Variants in PHF24 observed in about 807,000 individuals in gnomAD.
PHF24 encodes the protein Galpha inhibitory interacting protein.
PHF24 carries 25 observed loss-of-function variants against 42.6 expected under a neutral mutation model. That is an observed-to-expected ratio of 0.59 (90% CI 0.43 to 0.82). The LOEUF (loss-of-function observed/expected upper bound fraction) is 0.82. PHF24 is among the 40% of genes least tolerant of loss of function. The probability of loss-of-function intolerance (pLI) is 0.00; values close to 1 mark genes in which losing one functional copy is unlikely to be tolerated. For missense variants in PHF24, 470 were observed against 538.1 expected (o/e 0.87, Z 1.25); for synonymous variants, 185 against 204.8 (o/e 0.90, Z 0.83).
At chr9:34,725,560 C>CTG in the PHF24 span, 2 of 1,417,676 alleles carry the variant, frequency 1.4e-6, no homozygotes, top group African/African-American at 2.8e-5. Context: ...TCTCAGGAGA[C>CTG]TGAGCTTTGC....
At chr9:34,671,562 TG>T in the PHF24 span, among the ~76,000 whole-genome samples, 1 of 152,326 alleles carries the variant, frequency 6.6e-6, no homozygotes, top group African/African-American at 2.4e-5. Context: ...ATATTGTTTC[TG>T]GGGTGGGACT....
the PHF24 span, among the ~76,000 whole-genome samples, chr9:34,744,920 C>G: frequency 2.0e-5 from 3 of 152,190 alleles, no homozygotes; most frequent in Admixed American, 2.0e-4. Flanking sequence ...ATCATCTGCT[C>G]CACCAGCCAG....
the PHF24 span, among the ~76,000 whole-genome samples, chr9:34,711,632 C>T: frequency 6.6e-6 from 1 of 151,950 alleles, no homozygotes; most frequent in East Asian, 1.9e-4. Context: ...AACCTCCACC[C>T]TCCGGGTTCA....
the PHF24 span, chr9:34,681,312 G>A: frequency 1.3e-5 from 2 of 152,178 alleles, no homozygotes; most frequent in Non-Finnish European, 2.9e-5. Context: ...TGACCAATCA[G>A]GTGTGTTGGT....
At chr9:34,728,690 A>T in the PHF24 span, 6 of 1,547,250 alleles carry the variant, frequency 3.9e-6, no homozygotes, top group South Asian at 7.2e-5. Flanking sequence ...TGAAGCTGGG[A>T]CACCATTTTC....
At chr9:34,908,070 C>T in the PHF24 span, among the ~76,000 whole-genome samples, 396 of 152,116 alleles carry the variant, frequency 2.6e-3, 1 homozygote, top group African/African-American at 8.7e-3. Flanking sequence ...CTCGAACTCC[C>T]GACCTCGTGA....
the PHF24 span, among the ~76,000 whole-genome samples, chr9:34,820,040 A>G: frequency 6.6e-6 from 1 of 151,916 alleles, no homozygotes; most frequent in Non-Finnish European, 1.5e-5. Flanking sequence ...TTCTGAAATG[A>G]TCGTTAATCT....
the PHF24 span, among the ~76,000 whole-genome samples, chr9:34,845,179 T>A: frequency 1.3e-5 from 2 of 152,212 alleles, no homozygotes; most frequent in African/African-American, 4.8e-5. Flanking sequence ...TGAAATCTCT[T>A]TTTCCATCCT....
the PHF24 span, among the ~76,000 whole-genome samples, chr9:34,935,052 G>T: frequency 6.6e-6 from 1 of 152,178 alleles, no homozygotes; most frequent in African/African-American, 2.4e-5. Context: ...AGAAATATAA[G>T]AAAAAGCAGG....
the PHF24 span, among the ~76,000 whole-genome samples, chr9:34,747,825 G>A: frequency 6.6e-6 from 1 of 152,194 alleles, no homozygotes; most frequent in South Asian, 2.1e-4. Flanking sequence ...ACACACACGT[G>A]TTCACCAAAA....
At chr9:34,971,265 A>G in intron 1 of PHF24, 30 bp from the exon 2 acceptor site, 3 of 1,561,826 alleles carry the variant, frequency 1.9e-6, no homozygotes, top group Non-Finnish European at 2.6e-6. Context: ...CCATTGGCTG[A>G]ACCTGTGCCC....
In PHF24 at chr9:34,958,918, C is replaced by T. The variant is rs1270567304; in HGVS notation, c.-5+517C>T. ...GGGATCCATGAGTGACTTCCCACGG[C>T]TCCAAGGACTTTGGCCTCCACCGGG... On this transcript the variant is annotated intron_variant, in intron 1 of 7. Transcript: ENST00000242315. This position sits in a 1 kb window ranked among gnomAD's most constrained non-coding sequence, Gnocchi z 4.5. 6.6e-6 allele frequency among the ~76,000 whole-genome samples: 1 copy of T among 152,190 alleles called. No individual in the cohort carries two copies. The highest frequency in any genetic ancestry group is 1.5e-5 in the Non-Finnish European group (1 of 68,030).
At chr9:34,702,291 A>G in the PHF24 span, among the ~76,000 whole-genome samples, 3 of 152,322 alleles carry the variant, frequency 2.0e-5, no homozygotes, top group Admixed American at 1.3e-4. Flanking sequence ...CAGACAGAGG[A>G]CTGCTGCCTC....
At chr9:34,789,995 C>T in the PHF24 span, among the ~76,000 whole-genome samples, 386 of 152,184 alleles carry the variant, frequency 2.5e-3, 3 homozygotes, top group African/African-American at 7.9e-3. Flanking sequence ...TACAGGCATG[C>T]GCCACCATGC....
At chr9:34,851,517 G>T in the PHF24 span, among the ~76,000 whole-genome samples, 1 of 152,170 alleles carries the variant, frequency 6.6e-6, no homozygotes, top group Non-Finnish European at 1.5e-5. Flanking sequence ...CCCTTTCTTT[G>T]ACTAGGAAAG....
At chr9:34,700,879 C>T in the PHF24 span, among the ~76,000 whole-genome samples, 1 of 152,156 alleles carries the variant, frequency 6.6e-6, no homozygotes, top group Non-Finnish European at 1.5e-5. Context: ...AGGGAAAGGA[C>T]ACAGGCCCGG....
At chr9:34,809,970 C>A in the PHF24 span, among the ~76,000 whole-genome samples, 12 of 150,790 alleles carry the variant, frequency 8.0e-5, no homozygotes, top group Admixed American at 6.6e-4. This position sits in a 1 kb window ranked among gnomAD's most constrained non-coding sequence, Gnocchi z 4.1. Context: ...GCCCACCTGC[C>A]GGCCAAGAAA....
At chr9:34,971,312 T>A (rs1327446930) in exon 2 of PHF24, 2 of 1,604,758 alleles carry the variant, frequency 1.2e-6, no homozygotes, top group Non-Finnish European at 1.7e-6. Flanking sequence ...GGGGTGTTGA[T>A]GTCCAAGCGG....
the PHF24 span, chr9:34,837,264 G>A: frequency 2.7e-6 from 1 of 375,400 alleles, no homozygotes; most frequent in South Asian, 2.1e-5. Context: ...AGGCCTTTCT[G>A]TGCACAGTGT....
Sources: allele counts gnomAD v4.1 joint callset (sites outside exome capture counted in the v4.1 genomes callset), GRCh38; gene constraint gnomAD v4.1.1; non-coding constraint Gnocchi (gnomAD v3.1); transcripts MANE v1.5; gene names NCBI Gene and HGNC (gene_info 2026-07-23, HGNC 2026-07-21).